GDF1: variants seen among roughly 807,000 people sequenced by gnomAD.
GDF1 encodes growth differentiation factor 1.
In GDF1, 8 loss-of-function variants were observed where a neutral mutation model predicts 7.4. That is an observed-to-expected ratio of 1.09 (90% CI 0.64 to 1.96). GDF1 has a LOEUF of 1.96. GDF1 is among the 30% of genes most tolerant of loss of function. GDF1 has a pLI of 0.00. For synonymous variants in GDF1, 311 were observed against 276.7 expected (o/e 1.12, Z -1.23); for missense variants, 574 against 551.5 (o/e 1.04, Z -0.41).
At chr19:18,894,866 T>C (rs1421315003) in intron 1 of GDF1, among the ~76,000 whole-genome samples, 1 of 152,076 alleles carries the variant, frequency 6.6e-6, no homozygotes, top group Non-Finnish European at 1.5e-5. Context: ...GCTGGGCACA[T>C]TGTCCCTGCA....
chr19:18,884,037 ACT>A (rs1401048777), intron 3 of GDF1, 48 bp downstream of exon 3: 2 of 1,574,756 alleles, frequency 1.3e-6, no homozygotes, highest in Admixed American at 1.8e-5. Flanking sequence ...CAGCCTCCGC[ACT>A]CTGTGTGGGC....
In GDF1 at chr19:18,879,292, G is replaced by T; in HGVS notation, c.-474C>A. ...TGAGCAGCAGCAGGAGCGCATTGAA[G>T]AAGAAGTAGAAGGGGATGTCAGGCA... On this transcript the variant is annotated 5_prime_UTR_variant, in exon 5 of 8. Transcript: ENST00000247005. 1 of 1,613,298 alleles carries T rather than the reference G, an allele frequency of 6.2e-7. No individual in the cohort carries two copies. The highest frequency in any genetic ancestry group is 1.1e-5 in the South Asian group (1 of 90,858).
chr19:18,876,722 G>C (rs1203094658), intron 6 of GDF1, among the ~76,000 whole-genome samples: 3 of 152,094 alleles, frequency 2.0e-5, no homozygotes, highest in South Asian at 4.1e-4. Context: ...GATTTACAGA[G>C]ATGCTACAAA....
intron 3 of GDF1, among the ~76,000 whole-genome samples, chr19:18,881,084 T>G (rs937259626): frequency 6.6e-6 from 1 of 152,138 alleles, no homozygotes; most frequent in African/African-American, 2.4e-5. Context: ...GGGTACTCTG[T>G]GTCCAGATCC....
chr19:18,895,963 C>G lies in GDF1; in HGVS notation c.-1213G>C. On this transcript the variant is annotated 5_prime_UTR_variant, in exon 1 of 8. Coordinates refer to ENST00000247005, the MANE Select transcript of GDF1 (RefSeq NM_001492.6). The surrounding 1 kb of genome is among the most constrained non-coding windows in gnomAD (Gnocchi z 6.4). ...CGCCAGCCCCCAGCCGCAGTCCGTG[C>G]AGCCCCGCGCCGCCGCCAGCGCGCT... 9.3e-7 allele frequency: 1 copy of G among 1,077,166 alleles called. No individual in the cohort carries two copies. 66.7% of individuals were successfully genotyped at this position (1,077,166 alleles called of 1,614,324 possible).
chr19:18,882,700 T>C (rs2056243967), intron 3 of GDF1, among the ~76,000 whole-genome samples: 1 of 151,406 alleles, frequency 6.6e-6, no homozygotes, highest in Non-Finnish European at 1.5e-5. Context: ...TGTACGTGTT[T>C]GTTTATTTTT....
chr19:18,884,417 ATTT>A (rs11297387), intron 2 of GDF1, 150 bp from the exon 3 acceptor site: 324 of 561,408 alleles, frequency 5.8e-4, no homozygotes, highest in South Asian at 9.4e-4. Flanking sequence ...TCCCAATTCT[ATTT>A]TTTTTTTTTT....
intron 6 of GDF1, among the ~76,000 whole-genome samples, chr19:18,874,694 G>C (rs113900691): frequency 3.1e-4 from 47 of 152,334 alleles, no homozygotes; most frequent in African/African-American, 1.0e-3. Flanking sequence ...CGTCAGTGTA[G>C]GAGAGAAGGG....
chr19:18,885,826 G>A (rs1479336255), intron 2 of GDF1, among the ~76,000 whole-genome samples: 1 of 151,982 alleles, frequency 6.6e-6, no homozygotes, highest in Non-Finnish European at 1.5e-5. Flanking sequence ...GCCTCTTCCT[G>A]TCTTTAACAG....
chr19:18,878,468 A>G lies in GDF1; in HGVS notation c.-313+462T>C. Reference sequence around the variant, plus strand: ...CAGTGGGCTCCCCTGTCAAACTCAGAGGCCAGGATGTCTCGGCCCAGATGG... The same window carrying G: ...CAGTGGGCTCCCCTGTCAAACTCAGGGGCCAGGATGTCTCGGCCCAGATGG... On this transcript the variant is annotated intron_variant, in intron 6 of 7. Transcript: ENST00000247005. This position sits in a 1 kb window ranked among gnomAD's most constrained non-coding sequence, Gnocchi z 4.6. The G allele has an allele frequency of 3.0e-6, 3 of 990,802 alleles. No homozygotes were observed. The highest frequency in any genetic ancestry group is 3.6e-6 in the Non-Finnish European group (3 of 832,914). The allele number at this position is 990,802 out of a possible 1,614,324, so 61.4% of individuals were successfully genotyped here.
intron 2 of GDF1, among the ~76,000 whole-genome samples, chr19:18,885,944 C>T (rs991949068): frequency 1.3e-5 from 2 of 152,158 alleles, no homozygotes; most frequent in Non-Finnish European, 2.9e-5. Context: ...TGCCACCAAG[C>T]GCAGGGTCTC....
chr19:18,870,050 G>C lies in GDF1; in HGVS notation c.258C>G (p.Thr86=). 1 of 1,592,596 alleles carries C rather than the reference G, an allele frequency of 6.3e-7. No homozygotes were observed. The highest frequency in any genetic ancestry group is 1.1e-5 in the South Asian group (1 of 88,452). Reference sequence around the variant, plus strand: ...GCTCCTCCACGTGGCACGGTTGCAGGGTGACCCCTGGGGACGTCCGCCGCG... The same window carrying C: ...GCTCCTCCACGTGGCACGGTTGCAGCGTGACCCCTGGGGACGTCCGCCGCG... ...SGSRRTSPGV[T]LQPCHVEELG... The change falls in exon 7 of 8, where the codon ACC becomes ACG. Residue 86 remains threonine, a synonymous_variant. Transcript: ENST00000247005. This position sits in a 1 kb window ranked among gnomAD's most constrained non-coding sequence, Gnocchi z 5.1.
chr19:18,879,207 C>A (rs1291288637), intron 5 of GDF1, 34 bp downstream of exon 5: 29 of 1,612,206 alleles, frequency 1.8e-5, no homozygotes, highest in Non-Finnish European at 2.4e-5. Context: ...GAGGACGGGA[C>A]CGCCACTGTG....
chr19:18,891,165 C>T (rs968019300), intron 2 of GDF1, among the ~76,000 whole-genome samples: 23 of 152,136 alleles, frequency 1.5e-4, no homozygotes, highest in East Asian at 3.9e-4. Context: ...ATGGGTCATC[C>T]GTCTAGAAGG....
intron 2 of GDF1, among the ~76,000 whole-genome samples, chr19:18,888,889 C>CTTTTTTT (rs756124590): frequency 8.1e-5 from 10 of 122,912 alleles, no homozygotes; most frequent in African/African-American, 2.5e-4. Context: ...TTCTTTCTTT[C>CTTTTTTT]TTTTTTTTTT....
chr19:18,871,865 C>T (rs920724259), intron 6 of GDF1, among the ~76,000 whole-genome samples: 42 of 152,196 alleles, frequency 2.8e-4, no homozygotes, highest in Admixed American at 1.3e-3. Context: ...TGTGGCTTCT[C>T]GATTCTTCCC....
chr19:18,894,789 C>T (rs771039732), intron 1 of GDF1, among the ~76,000 whole-genome samples: 29 of 152,252 alleles, frequency 1.9e-4, no homozygotes, highest in Middle Eastern at 3.4e-3. Context: ...AGTCAGACAA[C>T]ATCCCATCAT....
Position 18,868,749 on chromosome 19 carries a change from G to C in GDF1, c.967C>G (p.Leu323Val). 1 of 1,521,786 alleles carries C rather than the reference G, an allele frequency of 6.6e-7. No individual in the cohort carries two copies. The allele number at this position is 1,521,786 out of a possible 1,614,324, so 94.3% of individuals were successfully genotyped here. A position where few individuals can be genotyped will look rare whatever the true frequency, so the allele number is the denominator to read the frequency against. The change falls in exon 8 of 8, where the codon CTC becomes GTC. Residue 323 changes from leucine (L) to valine (V), a missense_variant. By Grantham distance (32) the Leu-to-Val change is conservative (BLOSUM62 1). Transcript: ENST00000247005. ...GCTCCCGGGGCGGCCGCGTGCATGA[G>C]CGCGCGCAGCACAGCGTGGTTGAGC... The part of the protein sequence containing the change: ...PALNHAVLRA[L>V]MHAAAPGAAD...
chr19:18,885,637 A>C (rs968774452), intron 2 of GDF1, among the ~76,000 whole-genome samples: 1 of 149,048 alleles, frequency 6.7e-6, no homozygotes, highest in Non-Finnish European at 1.5e-5. Context: ...CTCCTGCCTC[A>C]GCATGCCAAG....
Sources: gnomAD v4.1 joint callset for allele counts (sites outside exome capture counted in the v4.1 genomes callset) on GRCh38, gnomAD v4.1.1 for gene constraint, Gnocchi (gnomAD v3.1) non-coding constraint, MANE v1.5 for transcripts, NCBI Gene and HGNC (gene_info 2026-07-23, HGNC 2026-07-21) for gene names.